Variants in CAPS2 observed in about 807,000 individuals in gnomAD.
CAPS2 encodes calcyphosin-2.
CAPS2 carries 98 observed loss-of-function variants against 86.5 expected under a neutral mutation model. That is an observed-to-expected ratio of 1.13 (90% CI 0.96 to 1.34). The LOEUF (loss-of-function observed/expected upper bound fraction) is 1.34. Ranked by LOEUF, CAPS2 falls within the 40% of genes most tolerant of loss-of-function variation. The probability of loss-of-function intolerance (pLI) is 0.00; values close to 1 mark genes in which losing one functional copy is unlikely to be tolerated. For missense variants in CAPS2, 729 were observed against 686.8 expected (o/e 1.06, Z -0.69); for synonymous variants, 210 against 225.1 (o/e 0.93, Z 0.60).
rs143355416 is a variant in CAPS2 at position 75,353,414 on chromosome 12, G to A, written c.-394-30192C>T. ...ATCTAGAAGAAATTGATAAATTCCT[G>A]TAAACATATGCCCTCCCAAGACTGA... is the stretch of plus-strand genomic sequence containing the variant. On this transcript the variant is annotated intron_variant, in intron 1 of 5. Transcript: ENST00000551829. Among the ~76,000 whole-genome samples the A allele has an allele frequency of 1.1e-3, 171 of 152,208 alleles. 1 individual carries two copies. Among genetic ancestry groups the A allele is most frequent in the African/African-American group, 3.6e-3 (151 of 41,532 alleles).
chr12:75,319,269 A>G (rs573969005), intron 5 of CAPS2, among the ~76,000 whole-genome samples: 2 of 152,048 alleles, frequency 1.3e-5, no homozygotes, highest in Non-Finnish European at 2.9e-5. Flanking sequence ...TTAATCCCCA[A>G]TGTTGGAGTG....
intron 6 of CAPS2, among the ~76,000 whole-genome samples, chr12:75,313,688 C>T (rs373580373): frequency 9.9e-5 from 15 of 152,080 alleles, no homozygotes; most frequent in Admixed American, 7.2e-4. Flanking sequence ...CAAAATAAAG[C>T]TTGTTCTATT....
intron 1 of CAPS2, chr12:75,369,654 G>A (rs533414216): frequency 2.0e-4 from 198 of 984,234 alleles, no homozygotes; most frequent in South Asian, 9.9e-4. Flanking sequence ...CTTCAGGGAC[G>A]TGAATTGGGA....
intron 1 of CAPS2, among the ~76,000 whole-genome samples, chr12:75,387,997 C>T (rs1593969567): frequency 6.6e-6 from 1 of 152,212 alleles, no homozygotes; most frequent in East Asian, 1.9e-4. Context: ...ACTGTATTCA[C>T]ATTTGCAAAT....
At chr12:75,314,837 A>T (rs1299257309) in intron 6 of CAPS2, among the ~76,000 whole-genome samples, 1 of 152,046 alleles carries the variant, frequency 6.6e-6, no homozygotes, top group East Asian at 1.9e-4. Context: ...AAAGGTTAGA[A>T]CCCGTAGGCA....
At chr12:75,337,539 GAC>G (rs2041821301) in intron 1 of CAPS2, among the ~76,000 whole-genome samples, 1 of 151,848 alleles carries the variant, frequency 6.6e-6, no homozygotes, top group African/African-American at 2.4e-5. Flanking sequence ...TTATAAAATT[GAC>G]ACAATATTTT....
At chr12:75,277,410 T>C in exon 17 of CAPS2, 1 of 972,464 alleles carries the variant, frequency 1.0e-6, no homozygotes, top group South Asian at 4.8e-5. Flanking sequence ...ATGTCTATAG[T>C]TGGATAAATT....
upstream of CAPS2, among the ~76,000 whole-genome samples, chr12:75,332,190 CTGT>C (rs1235396502): frequency 6.6e-6 from 1 of 152,132 alleles, no homozygotes; most frequent in Non-Finnish European, 1.5e-5. Context: ...TATGAAATTT[CTGT>C]TGTTGTTACA....
chr12:75,305,858 G>T, intron 7 of CAPS2: 1 of 757,120 alleles, frequency 1.3e-6, no homozygotes, highest in South Asian at 1.4e-5. Context: ...CCAGGTGTTC[G>T]GGATGCACCG....
At chr12:75,355,454 T>G (rs1172028555) in intron 1 of CAPS2, among the ~76,000 whole-genome samples, 2 of 152,134 alleles carry the variant, frequency 1.3e-5, no homozygotes, top group Non-Finnish European at 2.9e-5. Flanking sequence ...TGGCAATTAT[T>G]AAAAAGTCCA....
chr12:75,348,505 G>T (rs1161644129), intron 1 of CAPS2, among the ~76,000 whole-genome samples: 1 of 152,140 alleles, frequency 6.6e-6, no homozygotes, highest in Non-Finnish European at 1.5e-5. Flanking sequence ...TATAGATTCA[G>T]AGAAATTATA....
chr12:75,278,877 G>A (rs746255512), exon 17 of CAPS2: 3 of 1,530,536 alleles, frequency 2.0e-6, no homozygotes, highest in Non-Finnish European at 2.6e-6. Context: ...GATGACATAT[G>A]TATTATTAAA....
intron 1 of CAPS2, among the ~76,000 whole-genome samples, chr12:75,350,112 A>C (rs186807984): frequency 1.9e-4 from 29 of 152,330 alleles, no homozygotes; most frequent in Admixed American, 1.7e-3. Context: ...CAGCACAGCC[A>C]CTGTGACAGT....
At chr12:75,322,164 C>T (rs1321210272) in intron 4 of CAPS2, among the ~76,000 whole-genome samples, 1 of 152,128 alleles carries the variant, frequency 6.6e-6, no homozygotes. Flanking sequence ...CAGTAAAGTA[C>T]GTGCTTACAG....
intron 1 of CAPS2, among the ~76,000 whole-genome samples, chr12:75,387,258 T>G (rs1057248407): frequency 2.0e-5 from 3 of 152,196 alleles, no homozygotes; most frequent in Admixed American, 6.5e-5. Context: ...AAAACCTTAA[T>G]GGACACCTCA....
intron 1 of CAPS2, among the ~76,000 whole-genome samples, chr12:75,372,745 AC>A (rs1384930922): frequency 6.6e-6 from 1 of 152,196 alleles, no homozygotes; most frequent in African/African-American, 2.4e-5. Flanking sequence ...AGGCAATCCC[AC>A]CACTCTATCA....
chr12:75,322,354 C>T (rs113790049), intron 4 of CAPS2, among the ~76,000 whole-genome samples: 1,737 of 152,182 alleles, frequency 0.011, 25 homozygotes, highest in African/African-American at 0.034. Context: ...CACTCCAAAA[C>T]GAGCTTTTTA....
At chr12:75,387,243 G>A (rs908330623) in intron 1 of CAPS2, among the ~76,000 whole-genome samples, 1 of 152,010 alleles carries the variant, frequency 6.6e-6, no homozygotes, top group South Asian at 2.1e-4. Context: ...TTTAAAAATG[G>A]GTCAAAAACC....
At chr12:75,361,741 T>G (rs561656259) in intron 1 of CAPS2, among the ~76,000 whole-genome samples, 2 of 152,222 alleles carry the variant, frequency 1.3e-5, no homozygotes, top group African/African-American at 4.8e-5. Context: ...TCAGTAGAAC[T>G]CACTCACTAT....
Sources: allele counts gnomAD v4.1 joint callset (sites outside exome capture counted in the v4.1 genomes callset), GRCh38; gene constraint gnomAD v4.1.1; transcripts MANE v1.5; gene names NCBI Gene and HGNC (gene_info 2026-07-23, HGNC 2026-07-21).